SMIM40: variants seen among roughly 807,000 people sequenced by gnomAD.
SMIM40 encodes the protein small integral membrane protein 40.
intron 1 of SMIM40, among the ~76,000 whole-genome samples, chr6:33,328,240 G>T (rs1771335048): frequency 6.6e-6 from 1 of 151,054 alleles, no homozygotes; most frequent in Non-Finnish European, 1.5e-5. Context: ...CCAGGCCGGA[G>T]TGCAATGGTG....
chr6:33,326,576 C>G (rs1314840859), intron 1 of SMIM40, among the ~76,000 whole-genome samples: 1 of 149,008 alleles, frequency 6.7e-6, no homozygotes, highest in African/African-American at 2.6e-5. Flanking sequence ...TGTAATCCTA[C>G]CACTTTGGGA....
chr6:33,327,626 G>A (rs552039952), intron 1 of SMIM40, among the ~76,000 whole-genome samples: 1 of 152,016 alleles, frequency 6.6e-6, no homozygotes, highest in African/African-American at 2.4e-5. Context: ...TTGGGAGGCT[G>A]AGGTGGGCGG....
chr6:33,324,607 G>A (rs1256488071), intron 1 of SMIM40, among the ~76,000 whole-genome samples: 7 of 138,962 alleles, frequency 5.0e-5, no homozygotes, highest in Middle Eastern at 3.6e-3. Context: ...AGGGTCGGCC[G>A]GGCGCGATGG....
At chr6:33,325,394 C>G (rs921846340) in intron 1 of SMIM40, among the ~76,000 whole-genome samples, 1 of 143,980 alleles carries the variant, frequency 6.9e-6, no homozygotes. Context: ...TTTTTTATAG[C>G]GACAGGGTCT....
intron 1 of SMIM40, 29 bp downstream of exon 1, chr6:33,328,958 T>C (rs1198245680): frequency 3.5e-6 from 1 of 286,924 alleles, no homozygotes; most frequent in Non-Finnish European, 6.3e-6. Context: ...CCCCCAACAC[T>C]CCCATTTCCC....
chr6:33,328,387 A>T (rs1410549968), intron 1 of SMIM40, among the ~76,000 whole-genome samples: 1 of 150,942 alleles, frequency 6.6e-6, no homozygotes, highest in Admixed American at 6.6e-5. Flanking sequence ...ATGGGGTTTC[A>T]CCATATTTGC....
intron 1 of SMIM40, among the ~76,000 whole-genome samples, chr6:33,324,912 A>AAAAAAAAAAAAAAAAAG (rs1771067265): frequency 7.9e-6 from 1 of 126,910 alleles, no homozygotes; most frequent in African/African-American, 3.0e-5. Flanking sequence ...AAAAAAAAAA[A>AAAAAAAAAAAAAAAAAG]GGAAAAAAAA....
chr6:33,325,823 C>A (rs1366326371), intron 1 of SMIM40, among the ~76,000 whole-genome samples: 1 of 146,914 alleles, frequency 6.8e-6, no homozygotes, highest in African/African-American at 2.7e-5. Context: ...GCGCCACTGC[C>A]CTCCAGCCTG....
intron 1 of SMIM40, among the ~76,000 whole-genome samples, chr6:33,324,728 C>CA (rs572614773): frequency 0.064 from 9,541 of 148,768 alleles, 761 homozygotes; most frequent in African/African-American, 0.19. Flanking sequence ...ACTAAAAATA[C>CA]AAAAAAATTA....
intron 1 of SMIM40, among the ~76,000 whole-genome samples, chr6:33,324,545 C>CTTTTTTTTTTTTTTTTTTTCCTTT (rs1771014602): frequency 5.8e-5 from 6 of 103,214 alleles, no homozygotes; most frequent in African/African-American, 2.2e-4. Flanking sequence ...ACCACCTTTT[C>CTTTTTTTTTTTTTTTTTTTCCTTT]TTTTTTTTTT....
Position 33,329,017 on chromosome 6 carries a change from G to C in SMIM40, c.*9C>G. On this transcript the variant is annotated 3_prime_UTR_variant, in exon 1 of 3. Coordinates refer to ENST00000494082, the MANE Select transcript of SMIM40 (RefSeq NM_001369203.1). ...TGGTGGGGAAAGAAGATGTTTATAGGAAAGGTGGTCACAATTCCAGCTCCT... is the reference window on the plus strand; with the variant it reads ...TGGTGGGGAAAGAAGATGTTTATAGCAAAGGTGGTCACAATTCCAGCTCCT... 1 of 398,658 alleles carries C rather than the reference G, an allele frequency of 2.5e-6. No homozygotes were observed. 24.7% of individuals were successfully genotyped at this position (398,658 alleles called of 1,614,324 possible).
chr6:33,326,357 T>TC (rs1771172023), intron 1 of SMIM40, among the ~76,000 whole-genome samples: 1 of 146,862 alleles, frequency 6.8e-6, no homozygotes, highest in Admixed American at 6.7e-5. Flanking sequence ...TTTTTTTTTT[T>TC]AGTGGATATG....
chr6:33,327,924 T>C (rs1035398409), intron 1 of SMIM40, among the ~76,000 whole-genome samples: 2 of 143,620 alleles, frequency 1.4e-5, no homozygotes, highest in African/African-American at 5.1e-5. Flanking sequence ...TCCCCATCTC[T>C]ACTAAAAATA....
rs567737665 is a variant in SMIM40, at chr6:33,327,643, T to C, written c.*39+1344A>G. Among the ~76,000 whole-genome samples, 4 of 151,892 alleles carry C rather than the reference T, an allele frequency of 2.6e-5. No individual in the cohort carries two copies. The East Asian group carries it at 7.8e-4, about 30-fold the overall frequency. On this transcript the variant is annotated intron_variant, in intron 1 of 2. Coordinates refer to ENST00000494082, the MANE Select transcript of SMIM40 (RefSeq NM_001369203.1). ...GGGAGGCTGAGGTGGGCGGATCACT[T>C]GAGGTCAGGAGTTCCAGACCAGCCT...
chr6:33,324,567 CTTTCT>C (rs1771024032), intron 1 of SMIM40, among the ~76,000 whole-genome samples: 1 of 92,656 alleles, frequency 1.1e-5, no homozygotes, highest in Non-Finnish European at 2.1e-5. Context: ...TTTTTTTTTC[CTTTCT>C]TTTGTCTTTT....
intron 1 of SMIM40, among the ~76,000 whole-genome samples, chr6:33,324,545 C>CTTTTTTTTTTTTTTTTTTTTCCCTTTTT (rs1771017107): frequency 1.9e-5 from 2 of 103,216 alleles, no homozygotes; most frequent in Non-Finnish European, 3.9e-5. Flanking sequence ...ACCACCTTTT[C>CTTTTTTTTTTTTTTTTTTTTCCCTTTTT]TTTTTTTTTT....
intron 1 of SMIM40, among the ~76,000 whole-genome samples, chr6:33,325,600 G>A (rs1312962824): frequency 6.8e-6 from 1 of 147,904 alleles, no homozygotes; most frequent in Admixed American, 6.6e-5. Context: ...CCAGCACTTT[G>A]GGAGGCCGAG....
intron 1 of SMIM40, among the ~76,000 whole-genome samples, chr6:33,326,843 C>T (rs1040592825): frequency 2.0e-5 from 3 of 146,862 alleles, no homozygotes; most frequent in Middle Eastern, 3.5e-3. Context: ...AAAAATAGGC[C>T]GGGCGTGGTG....
At chr6:33,324,054 A>C (rs2151005041) in intron 1 of SMIM40, 24 bp from the exon 2 acceptor site, 1 of 152,346 alleles carries the variant, frequency 6.6e-6, no homozygotes, top group South Asian at 2.1e-4. Flanking sequence ...CAGAAAGATT[A>C]ACAGGGTCCC....
Sources: gnomAD v4.1 joint callset for allele counts (sites outside exome capture counted in the v4.1 genomes callset) on GRCh38, gnomAD v4.1.1 for gene constraint, MANE v1.5 for transcripts, NCBI Gene and HGNC (gene_info 2026-07-23, HGNC 2026-07-21) for gene names.